GABRA1: variants seen among roughly 807,000 people sequenced by gnomAD.
GABRA1 encodes gamma-aminobutyric acid type A receptor subunit alpha1.
GABRA1 carries 9 observed loss-of-function variants against 48.9 expected under a neutral mutation model. The observed-to-expected ratio is 0.18, with a 90% CI of 0.11 to 0.32. The LOEUF (loss-of-function observed/expected upper bound fraction) is 0.32. Ranked by LOEUF, GABRA1 falls within the 10% of genes least tolerant of loss-of-function variation. The pLI is 1.00. For synonymous variants in GABRA1, 210 were observed against 198.7 expected (o/e 1.06, Z -0.48); for missense variants, 285 against 553.8 (o/e 0.51, Z 4.87).
At chr5:161,883,017 G>T (rs1391238818) in intron 7 of GABRA1, among the ~76,000 whole-genome samples, 2 of 152,166 alleles carry the variant, frequency 1.3e-5, no homozygotes, top group Non-Finnish European at 2.9e-5. Flanking sequence ...CCCCAACCTT[G>T]TCAGTTGTTT....
At chr5:161,851,568 T>A (rs966978527) in intron 2 of GABRA1, among the ~76,000 whole-genome samples, 12 of 152,126 alleles carry the variant, frequency 7.9e-5, no homozygotes, top group Admixed American at 1.3e-4. Context: ...TATTACAGAT[T>A]TTTCTTTATC....
intron 6 of GABRA1, among the ~76,000 whole-genome samples, chr5:161,879,710 G>A (rs983909037): frequency 6.6e-6 from 1 of 152,124 alleles, no homozygotes; most frequent in African/African-American, 2.4e-5. Flanking sequence ...GAGAGACATG[G>A]ATAATGAGTC....
chr5:161,878,896 T>C (rs1435122833), intron 6 of GABRA1, among the ~76,000 whole-genome samples: 1 of 151,950 alleles, frequency 6.6e-6, no homozygotes, highest in Non-Finnish European at 1.5e-5. Context: ...CTGAGAGGAA[T>C]GAGTCAAAAT....
chr5:161,880,828 C>CA (rs1399185017), intron 6 of GABRA1, among the ~76,000 whole-genome samples: 16 of 152,068 alleles, frequency 1.1e-4, no homozygotes, highest in African/African-American at 3.9e-4. Flanking sequence ...TGTAAAAAAG[C>CA]AACTATAGTT....
intron 8 of GABRA1, among the ~76,000 whole-genome samples, chr5:161,893,286 T>C (rs1328903586): frequency 1.3e-5 from 2 of 152,048 alleles, no homozygotes; most frequent in Admixed American, 6.5e-5. Context: ...AACATAACTA[T>C]ATGTCTGTAA....
intron 3 of GABRA1, among the ~76,000 whole-genome samples, chr5:161,856,970 A>G (rs1757673220): frequency 6.6e-6 from 1 of 151,170 alleles, no homozygotes; most frequent in Non-Finnish European, 1.5e-5. Flanking sequence ...TTATTCATCT[A>G]CCATGAATTT....
intron 4 of GABRA1, among the ~76,000 whole-genome samples, chr5:161,872,449 C>T (rs764888967): frequency 3.9e-5 from 6 of 152,220 alleles, no homozygotes; most frequent in Middle Eastern, 3.4e-3. Context: ...TCACACACAC[C>T]GACATACTCT....
intron 3 of GABRA1, among the ~76,000 whole-genome samples, chr5:161,856,497 A>G (rs1190981075): frequency 6.6e-6 from 1 of 151,248 alleles, no homozygotes; most frequent in Non-Finnish European, 1.5e-5. Context: ...GGTTTTTCTG[A>G]TATTTCTGAT....
intron 6 of GABRA1, among the ~76,000 whole-genome samples, chr5:161,877,883 T>C (rs1754431172): frequency 6.6e-6 from 1 of 152,306 alleles, no homozygotes; most frequent in African/African-American, 2.4e-5. Flanking sequence ...CTTCTATCTC[T>C]CCACATGTCA....
At chr5:161,868,422 T>C (rs1753969856) in intron 4 of GABRA1, among the ~76,000 whole-genome samples, 1 of 37,600 alleles carries the variant, frequency 2.7e-5, no homozygotes, top group Non-Finnish European at 4.8e-5. Context: ...AAATTGATGT[T>C]TTTTTTCCAA....
At chr5:161,856,180 G>A (rs1199184570) in intron 3 of GABRA1, among the ~76,000 whole-genome samples, 1 of 151,252 alleles carries the variant, frequency 6.6e-6, no homozygotes, top group Non-Finnish European at 1.5e-5. Flanking sequence ...AGAACTTGAA[G>A]ATATAAAGAT....
chr5:161,873,259 A>C lies in GABRA1; in HGVS notation c.398A>C (p.Lys133Thr). ...TPDTFFHNGK[K>T]SVAHNMTMPN... ...GACACATTTTTCCACAATGGAAAGAAGTCAGTGGCCCACAACATGACCATG... is the reference window on the plus strand; with the variant it reads ...GACACATTTTTCCACAATGGAAAGACGTCAGTGGCCCACAACATGACCATG... The change falls in exon 5 of 10, where the codon AAG (lysine) becomes ACG (threonine). Residue 133 changes from lysine to threonine, a missense_variant. Physicochemically the swap from Lys to Thr is moderately conservative, Grantham distance 78. Transcript: ENST00000393943. 6.2e-7 allele frequency: 1 copy of C among 1,613,954 alleles called. No homozygotes were observed. Among genetic ancestry groups the C allele is most frequent in the East Asian group, 2.2e-5 (1 of 44,874 alleles).
At chr5:161,892,364 A>G (rs1382184080) in intron 8 of GABRA1, among the ~76,000 whole-genome samples, 1 of 152,220 alleles carries the variant, frequency 6.6e-6, no homozygotes, top group Non-Finnish European at 1.5e-5. Flanking sequence ...AGTGTATGAA[A>G]AATCAGTTAT....
At chr5:161,862,836 G>A (rs1338497976) in intron 3 of GABRA1, among the ~76,000 whole-genome samples, 3 of 151,924 alleles carry the variant, frequency 2.0e-5, no homozygotes, top group East Asian at 1.9e-4. Flanking sequence ...CATTTGAGCA[G>A]GTATTATTTC....
At chr5:161,878,453 AAC>A (rs1256044881) in intron 6 of GABRA1, among the ~76,000 whole-genome samples, 1 of 152,194 alleles carries the variant, frequency 6.6e-6, no homozygotes, top group African/African-American at 2.4e-5. Context: ...TTTCGAAGTA[AAC>A]ACCTTGCCGA....
chr5:161,873,682 A>T (rs1411107383), intron 5 of GABRA1, among the ~76,000 whole-genome samples: 1 of 152,164 alleles, frequency 6.6e-6, no homozygotes, highest in African/African-American at 2.4e-5. Context: ...TACATCTGAA[A>T]ACATTCCTAC....
intron 4 of GABRA1, among the ~76,000 whole-genome samples, chr5:161,868,899 A>G (rs1335541448): frequency 6.6e-6 from 1 of 152,144 alleles, no homozygotes; most frequent in Non-Finnish European, 1.5e-5. Context: ...CATTTGGTCA[A>G]ATATCAGGAA....
In GABRA1 at chr5:161,898,387, A is replaced by G. The variant is rs1755468362; in HGVS notation, c.*965A>G. 1 of 152,564 alleles carries G rather than the reference A, an allele frequency of 6.6e-6. No homozygotes were observed. Among genetic ancestry groups the G allele is most frequent in the Non-Finnish European group, 1.5e-5 (1 of 67,994 alleles). 9.5% of individuals were successfully genotyped at this position (152,564 alleles called of 1,614,324 possible). The stretch of plus-strand genomic sequence containing the variant: ...TAAAAGCTTTAGATTGAAATTTATG[A>G]CTAGCAAACAAAAATAGAATATATA... On this transcript the variant is annotated 3_prime_UTR_variant, in exon 10 of 10. Transcript: ENST00000393943.
At chr5:161,878,985 C>T (rs897887070) in intron 6 of GABRA1, among the ~76,000 whole-genome samples, 2 of 152,164 alleles carry the variant, frequency 1.3e-5, no homozygotes, top group Non-Finnish European at 2.9e-5. Flanking sequence ...CACAGAGACT[C>T]ATAAAAGTGA....
Sources: allele counts gnomAD v4.1 joint callset (sites outside exome capture counted in the v4.1 genomes callset), GRCh38; gene constraint gnomAD v4.1.1; transcripts MANE v1.5; gene names NCBI Gene and HGNC (gene_info 2026-07-23, HGNC 2026-07-21).